KCNJ15: variants seen among roughly 807,000 people sequenced by gnomAD.
KCNJ15 encodes potassium inwardly rectifying channel subfamily J member 15.
In KCNJ15, 14 loss-of-function variants were observed where a neutral mutation model predicts 23.0. That is an observed-to-expected ratio of 0.61 (90% CI 0.40 to 0.95). KCNJ15 has a LOEUF of 0.95. Among genes scored for constraint, KCNJ15 ranks in the 40% least tolerant of loss-of-function variants. KCNJ15 has a pLI of 0.00. For synonymous variants in KCNJ15, 185 were observed against 183.2 expected, an observed-to-expected ratio of 1.01 and a Z score of -0.08; for missense variants, 388 against 461.8, an observed-to-expected ratio of 0.84 and a Z score of 1.46.
chr21:38,255,100 A>G (rs371170863), upstream of KCNJ15, among the ~76,000 whole-genome samples: 2 of 152,348 alleles, frequency 1.3e-5, no homozygotes, highest in East Asian at 1.9e-4. Flanking sequence ...CTTGAGGGCA[A>G]CTTCAGACAG....
At chr21:38,268,223 T>G (rs955628075) in intron 1 of KCNJ15, among the ~76,000 whole-genome samples, 3 of 152,148 alleles carry the variant, frequency 2.0e-5, no homozygotes, top group Admixed American at 6.5e-5. Flanking sequence ...CTGACAAAGA[T>G]AGTAATAATG....
intron 1 of KCNJ15, among the ~76,000 whole-genome samples, chr21:38,277,712 T>C (rs971733612): frequency 2.6e-5 from 4 of 152,150 alleles, no homozygotes; most frequent in African/African-American, 9.7e-5. Flanking sequence ...GGGAAGCTCA[T>C]TTCCCACAGA....
chr21:38,236,893 C>T (rs1223955786), intron 1 of KCNJ15, among the ~76,000 whole-genome samples: 1 of 152,166 alleles, frequency 6.6e-6, no homozygotes, highest in Non-Finnish European at 1.5e-5. Flanking sequence ...CAACTATAAG[C>T]GGCTGCACAC....
rs1363512878 is a variant in KCNJ15, at chr21:38,301,798, A to T, written c.*1409A>T. 2 of 167,044 alleles carry T rather than the reference A, an allele frequency of 1.2e-5. No homozygotes were observed. The highest frequency in any genetic ancestry group is 4.8e-5 in the African/African-American group (2 of 41,438). 10.3% of individuals were successfully genotyped at this position (167,044 alleles called of 1,614,324 possible). ...TGCATTCCTTTGAGGCAAAAAATAA[A>T]TGGGCTATGACTGGTTAAATGTCCA... On this transcript the variant is annotated 3_prime_UTR_variant, in exon 3 of 3. Transcript: ENST00000398938.
rs1353837290 is a variant in KCNJ15 at position 38,289,417 on chromosome 21, G to A, written c.-116-7509G>A. 2.6e-5 allele frequency among the ~76,000 whole-genome samples: 4 copies of A among 152,042 alleles called. No individual in the cohort carries two copies. In the East Asian group the frequency reaches 7.8e-4, roughly 29 times the overall value. On this transcript the variant is annotated intron_variant, in intron 1 of 2. Transcript: ENST00000398938. ...ATAGTGAGTGAGATTCCACTAGCCT[G>A]TTGAAGAAATCTCTTTCCTAAGGAG...
chr21:38,288,034 T>C (rs867576280), intron 1 of KCNJ15, among the ~76,000 whole-genome samples: 33 of 71,658 alleles, frequency 4.6e-4, no homozygotes, highest in African/African-American at 1.6e-3. Context: ...TTCTTTGTTT[T>C]TTTTTTTTTT....
rs762705402 is a variant in KCNJ15 at position 38,299,618 on chromosome 21, C to T, written c.357C>T (p.Leu119=). The T allele has an allele frequency of 3.7e-6, 6 of 1,614,160 alleles. No individual in the cohort carries two copies. In the South Asian group the frequency reaches 6.6e-5, roughly 18 times the overall value. ...TGGACTCTCTCACTGGGGCGTTTCT[C>T]TTTTCCCTGGAATCCCAGACAACCA... The part of the protein sequence containing the change: ...MKVDSLTGAF[L]FSLESQTTIG... Residue 119 remains leucine, a synonymous_variant, in exon 3 of 3, where the codon CTC becomes CTT. Transcript: ENST00000398938. The surrounding 1 kb of genome is among the most constrained non-coding windows in gnomAD (Gnocchi z 4.5).
chr21:38,278,742 A>G (rs1247076547), intron 1 of KCNJ15, among the ~76,000 whole-genome samples: 1 of 152,188 alleles, frequency 6.6e-6, no homozygotes, highest in Admixed American at 6.5e-5. Context: ...AAGTCAATCA[A>G]TAGAGGACTA....
At chr21:38,295,973 C>T (rs1242783404) in intron 1 of KCNJ15, among the ~76,000 whole-genome samples, 3 of 152,114 alleles carry the variant, frequency 2.0e-5, no homozygotes, top group African/African-American at 7.2e-5. Context: ...ATTGGGAATA[C>T]TTTAACTATA....
At chr21:38,234,398 A>G (rs1214217173) in intron 1 of KCNJ15, among the ~76,000 whole-genome samples, 1 of 152,240 alleles carries the variant, frequency 6.6e-6, no homozygotes, top group Non-Finnish European at 1.5e-5. Flanking sequence ...ATTCTACACA[A>G]TATAGAAAAA....
Position 38,291,059 on chromosome 21 carries a change from C to T in KCNJ15, c.-116-5867C>T, listed in dbSNP as rs950514560. Reference sequence around the variant, plus strand: ...AGCTACAGTTAAGCAGGTTTTATAACTGTAGGACGTCTCAGAAACTGTAAT... The same window carrying T: ...AGCTACAGTTAAGCAGGTTTTATAATTGTAGGACGTCTCAGAAACTGTAAT... On this transcript the variant is annotated intron_variant, in intron 1 of 2. Coordinates refer to ENST00000398938, the MANE Select transcript of KCNJ15 (RefSeq NM_170736.3). Among the ~76,000 whole-genome samples, 4 of 151,312 alleles carry T rather than the reference C, an allele frequency of 2.6e-5. No homozygotes were observed. In the East Asian group the frequency reaches 5.8e-4, roughly 22 times the overall value.
intron 1 of KCNJ15, among the ~76,000 whole-genome samples, chr21:38,239,995 T>G (rs1978877905): frequency 8.8e-6 from 1 of 113,070 alleles, no homozygotes. Context: ...ATATATGAGC[T>G]TTGTTTTTAT....
intron 1 of KCNJ15, among the ~76,000 whole-genome samples, chr21:38,292,029 C>T (rs1467647290): frequency 1.3e-5 from 2 of 152,096 alleles, no homozygotes; most frequent in Non-Finnish European, 2.9e-5. Flanking sequence ...GATGCTGACG[C>T]GTAGTGAGCA....
intron 1 of KCNJ15, among the ~76,000 whole-genome samples, chr21:38,239,435 G>A (rs191975081): frequency 1.6e-4 from 24 of 152,222 alleles, no homozygotes; most frequent in Admixed American, 1.3e-4. Flanking sequence ...GAGCACATGC[G>A]TTCTGCGAAG....
At chr21:38,273,285 C>T (rs743297) in intron 1 of KCNJ15, among the ~76,000 whole-genome samples, 123,050 of 152,172 alleles carry the variant, frequency 0.81, 50,289 homozygotes, top group African/African-American at 0.94. Flanking sequence ...TTTCAGGATC[C>T]AACCAAGGCC....
chr21:38,230,657 T>C (rs1033771211), intron 1 of KCNJ15, among the ~76,000 whole-genome samples: 1 of 152,132 alleles, frequency 6.6e-6, no homozygotes, highest in Non-Finnish European at 1.5e-5. Context: ...TTCATAGATT[T>C]AGCTCTTCTA....
intron 1 of KCNJ15, among the ~76,000 whole-genome samples, chr21:38,266,212 C>G (rs887823908): frequency 6.6e-6 from 1 of 152,070 alleles, no homozygotes; most frequent in Non-Finnish European, 1.5e-5. Context: ...TAGGTATACA[C>G]GCGCCATGGT....
intron 1 of KCNJ15, among the ~76,000 whole-genome samples, chr21:38,261,088 GA>G (rs11367102): frequency 0.25 from 38,245 of 151,968 alleles, 5,208 homozygotes; most frequent in East Asian, 0.45. Context: ...CACTGCAGGG[GA>G]GGAATGCAAT....
chr21:38,273,692 A>G (rs1469056148), intron 1 of KCNJ15, among the ~76,000 whole-genome samples: 1 of 152,244 alleles, frequency 6.6e-6, no homozygotes, highest in Non-Finnish European at 1.5e-5. Flanking sequence ...GACCTAAAAG[A>G]TTTGTAGTAG....
Sources: allele counts gnomAD v4.1 joint callset (sites outside exome capture counted in the v4.1 genomes callset), GRCh38; gene constraint gnomAD v4.1.1; non-coding constraint Gnocchi (gnomAD v3.1); transcripts MANE v1.5; gene names NCBI Gene and HGNC (gene_info 2026-07-23, HGNC 2026-07-21).